The following FAM107B variants were observed in gnomAD, a reference collection of about 807,000 sequenced individuals.
The protein encoded by FAM107B is family with sequence similarity 107 member B, also known as protein FAM107B.
FAM107B carries 21 observed loss-of-function variants against 31.5 expected under a neutral mutation model. That is an observed-to-expected ratio of 0.67 (90% CI 0.47 to 0.96). The LOEUF (loss-of-function observed/expected upper bound fraction) is 0.96. FAM107B is among the 40% of genes least tolerant of loss of function. FAM107B has a pLI of 0.00. For missense variants in FAM107B, 452 were observed against 377.1 expected (o/e 1.20, Z -1.64); for synonymous variants, 157 against 141.5 (o/e 1.11, Z -0.78).
chr10:14,667,698 G>T lies in FAM107B; in HGVS notation c.412-7C>A, dbSNP rs780590599. 18 of 1,613,778 alleles carry T rather than the reference G, an allele frequency of 1.1e-5. No homozygotes were observed. The highest frequency in any genetic ancestry group is 1.1e-5 in the Non-Finnish European group (13 of 1,179,924). Reference sequence around the variant, plus strand: ...CTTCTCGAAATTCTTCTTCCTAAGCGCCAGCCCCATAAACCAGAAAAGCAG... The same window carrying T: ...CTTCTCGAAATTCTTCTTCCTAAGCTCCAGCCCCATAAACCAGAAAAGCAG... On this transcript the variant is annotated splice_region_variant and splice_polypyrimidine_tract_variant and intron_variant, in intron 1 of 4. Coordinates refer to ENST00000181796, the MANE Select transcript of FAM107B (RefSeq NM_031453.4).
intron 2 of FAM107B, among the ~76,000 whole-genome samples, chr10:14,630,966 G>A (rs1853340086): frequency 6.6e-6 from 1 of 152,116 alleles, no homozygotes; most frequent in Non-Finnish European, 1.5e-5. Context: ...TAGTCTGCTT[G>A]AAATGGTTTA....
At chr10:14,731,455 G>A (rs541682821) in intron 1 of FAM107B, among the ~76,000 whole-genome samples, 3 of 152,276 alleles carry the variant, frequency 2.0e-5, no homozygotes, top group South Asian at 4.2e-4. Context: ...CCAGCTACTT[G>A]GAAGGCTGAG....
At chr10:14,766,186 G>A (rs953830245) in intron 1 of FAM107B, among the ~76,000 whole-genome samples, 1 of 152,130 alleles carries the variant, frequency 6.6e-6, no homozygotes, top group Non-Finnish European at 1.5e-5. Flanking sequence ...AATTAAGATG[G>A]CTTCAGGGGA....
intron 2 of FAM107B, among the ~76,000 whole-genome samples, chr10:14,647,847 T>C (rs1853797254): frequency 6.6e-6 from 1 of 152,164 alleles, no homozygotes; most frequent in Non-Finnish European, 1.5e-5. Flanking sequence ...TGTCTCCAGA[T>C]GCCAAGGCAA....
At chr10:14,751,138 A>G (rs1053820545) in intron 1 of FAM107B, among the ~76,000 whole-genome samples, 6 of 152,232 alleles carry the variant, frequency 3.9e-5, no homozygotes, top group Admixed American at 3.9e-4. Context: ...GGCTCTGCAC[A>G]TCTGCTGCCT....
At chr10:14,598,872 C>G (rs369625600) in intron 2 of FAM107B, among the ~76,000 whole-genome samples, 3 of 152,150 alleles carry the variant, frequency 2.0e-5, no homozygotes, top group East Asian at 1.9e-4. Context: ...TACTAGAGCT[C>G]AAGGGGTTAC....
intron 3 of FAM107B, among the ~76,000 whole-genome samples, chr10:14,526,940 C>G (rs780576498): frequency 1.1e-4 from 16 of 152,094 alleles, no homozygotes; most frequent in South Asian, 2.1e-4. Flanking sequence ...CGGGTTCACG[C>G]TATTCTCCTG....
intron 2 of FAM107B, among the ~76,000 whole-genome samples, chr10:14,648,841 T>C (rs1456346333): frequency 6.6e-6 from 1 of 152,228 alleles, no homozygotes; most frequent in African/African-American, 2.4e-5. Context: ...TATCGAGGAC[T>C]TGGTTCTATG....
intron 2 of FAM107B, among the ~76,000 whole-genome samples, chr10:14,606,964 G>C (rs868623614): frequency 1.3e-5 from 2 of 152,176 alleles, no homozygotes; most frequent in Non-Finnish European, 2.9e-5. Context: ...GCATGCACTG[G>C]ATTCGAGATT....
intron 1 of FAM107B, among the ~76,000 whole-genome samples, chr10:14,672,292 T>A (rs1564621226): frequency 1.3e-5 from 2 of 152,094 alleles, no homozygotes; most frequent in African/African-American, 2.4e-5. Context: ...TTCACCATGT[T>A]GGTCAAGCTG....
chr10:14,648,940 G>C (rs1194146483), intron 2 of FAM107B, among the ~76,000 whole-genome samples: 8 of 152,192 alleles, frequency 5.3e-5, no homozygotes, highest in African/African-American at 1.9e-4. Context: ...ACACAAACGA[G>C]GATGAGGTTT....
intron 1 of FAM107B, among the ~76,000 whole-genome samples, chr10:14,770,513 ACT>A (rs1489313377): frequency 5.9e-5 from 9 of 152,058 alleles, no homozygotes; most frequent in Admixed American, 5.9e-4. Flanking sequence ...ATGGAGCAAG[ACT>A]CTGCCTCAAA....
chr10:14,626,499 C>CTTT (rs71505032), intron 2 of FAM107B, among the ~76,000 whole-genome samples: 1,218 of 108,948 alleles, frequency 0.011, 188 homozygotes, highest in Middle Eastern at 0.024. Context: ...TGAGGCGGAT[C>CTTT]TTTTTTTTCT....
chr10:14,521,743 C>G lies in FAM107B; in HGVS notation c.804+126G>C, dbSNP rs547748811. On this transcript the variant is annotated intron_variant, in intron 4 of 4. Transcript: ENST00000181796. ...TTTGACCCCATTTGCTGACATTTGT[C>G]TCCAATATTTCTTTCATGGTATAAA... is the stretch of plus-strand genomic sequence containing the variant. 3.6e-4 allele frequency: 492 copies of G among 1,362,774 alleles called. 5 individuals carry two copies. In the South Asian group the frequency reaches 6.7e-3, roughly 19 times the overall value. 84.4% of individuals were successfully genotyped at this position (1,362,774 alleles called of 1,614,324 possible). A position where few individuals can be genotyped will look rare whatever the true frequency, so the allele number is the denominator to read the frequency against.
intron 2 of FAM107B, among the ~76,000 whole-genome samples, chr10:14,646,294 T>G (rs1853752224): frequency 6.6e-6 from 1 of 152,162 alleles, no homozygotes. Context: ...ACCCAAATAG[T>G]GTACATTGTA....
At chr10:14,706,753 A>G (rs1001004) in intron 1 of FAM107B, among the ~76,000 whole-genome samples, 36,006 of 152,034 alleles carry the variant, frequency 0.24, 4,508 homozygotes, top group Admixed American at 0.3. Flanking sequence ...TGGTTTGCCA[A>G]TTGATATTGC....
intron 2 of FAM107B, among the ~76,000 whole-genome samples, chr10:14,612,308 G>C (rs1852745179): frequency 6.6e-6 from 1 of 152,222 alleles, no homozygotes; most frequent in Non-Finnish European, 1.5e-5. Context: ...GTTAGTGTTA[G>C]CTGGATAATA....
intron 1 of FAM107B, among the ~76,000 whole-genome samples, chr10:14,764,364 T>C (rs1238798466): frequency 6.6e-6 from 1 of 152,236 alleles, no homozygotes; most frequent in Non-Finnish European, 1.5e-5. Context: ...AAATCCTGCC[T>C]ATGTGCTTAG....
At chr10:14,597,294 A>G (rs2131359435) in intron 2 of FAM107B, among the ~76,000 whole-genome samples, 1 of 152,320 alleles carries the variant, frequency 6.6e-6, no homozygotes, top group South Asian at 2.1e-4. Flanking sequence ...AGACTGTACA[A>G]TTTTTGTAAA....
Sources: allele counts gnomAD v4.1 joint callset (sites outside exome capture counted in the v4.1 genomes callset), GRCh38; gene constraint gnomAD v4.1.1; transcripts MANE v1.5; gene names NCBI Gene and HGNC (gene_info 2026-07-23, HGNC 2026-07-21).